DCTN5: variants seen among roughly 807,000 people sequenced by gnomAD.
The protein encoded by DCTN5 is dynactin 4.
In DCTN5, 14 loss-of-function variants were observed where a neutral mutation model predicts 23.5. That is an observed-to-expected ratio of 0.60 (90% confidence interval 0.39 to 0.93). The LOEUF (loss-of-function observed/expected upper bound fraction) is 0.93. Among genes scored for constraint, DCTN5 ranks in the 40% least tolerant of loss-of-function variants. The pLI is 0.00. For synonymous variants in DCTN5, 67 were observed against 79.6 expected (o/e 0.84, Z 0.84); for missense variants, 156 against 225.9 (o/e 0.69, Z 1.98).
intron 1 of DCTN5, 91 bp from the exon 2 acceptor site, chr16:23,642,864 T>C: frequency 8.6e-7 from 1 of 1,167,578 alleles, no homozygotes; most frequent in South Asian, 1.2e-5. Context: ...TTTATGTTTT[T>C]TTCTCTCAAA....
Position 23,674,158 on chromosome 16 carries a change from A to C in DCTN5, c.*7014A>C, listed in dbSNP as rs1312596170. The C allele has an allele frequency of 6.6e-6, 1 of 152,194 alleles. No homozygotes were observed. The highest frequency in any genetic ancestry group is 1.5e-5 in the Non-Finnish European group (1 of 68,044). 9.4% of individuals were successfully genotyped at this position (152,194 alleles called of 1,614,324 possible). ...TCTGCCTTGAGCTGTTTTAGCCTCA[A>C]CACGAGCTATGCTGAACTGAAAGCA... On this transcript the variant is annotated 3_prime_UTR_variant, in exon 6 of 6. Transcript: ENST00000300087.
intron 2 of DCTN5, among the ~76,000 whole-genome samples, chr16:23,655,369 A>T (rs1414162932): frequency 6.6e-6 from 1 of 151,832 alleles, no homozygotes; most frequent in Non-Finnish European, 1.5e-5. Flanking sequence ...AGAGTTTTTT[A>T]TTCTTACTTA....
At chr16:23,654,843 C>T (rs556824629) in intron 2 of DCTN5, among the ~76,000 whole-genome samples, 5 of 152,226 alleles carry the variant, frequency 3.3e-5, no homozygotes, top group East Asian at 1.9e-4. Context: ...TGAGTGAGAA[C>T]GTGTGATATA....
At chr16:23,666,726 C>T (rs781759262) in intron 5 of DCTN5, 33 of 461,326 alleles carry the variant, frequency 7.2e-5, no homozygotes, top group Admixed American at 1.2e-4. Flanking sequence ...TCTCTCAGAT[C>T]ATTGAATCTG....
Position 23,676,610 on chromosome 16 carries a change from G to C in DCTN5, c.*9466G>C, listed in dbSNP as rs1959228772. On this transcript the variant is annotated 3_prime_UTR_variant, in exon 6 of 6. Coordinates refer to ENST00000300087, the MANE Select transcript of DCTN5 (RefSeq NM_032486.4). ...GGAAGCCACCTGGCTTCCTAAGATA[G>C]ACTTTATGGTTAATGGGATTTATTT... The C allele has an allele frequency of 6.6e-6, 1 of 152,188 alleles. No individual in the cohort carries two copies. The highest frequency in any genetic ancestry group is 2.4e-5 in the African/African-American group (1 of 41,438). The allele number at this position is 152,188 out of a possible 1,614,324, so 9.4% of individuals were successfully genotyped here. A position where few individuals can be genotyped will look rare whatever the true frequency, so the allele number is the denominator to read the frequency against.
chr16:23,667,193 G>A lies in DCTN5; in HGVS notation c.*49G>A, dbSNP rs1382422360. ...CTGCTTGAGCTCTAAGATGAACCTGGGGACAAAGTGAGCCAGTCAGCACCT... is the reference window on the plus strand; with the variant it reads ...CTGCTTGAGCTCTAAGATGAACCTGAGGACAAAGTGAGCCAGTCAGCACCT... On this transcript the variant is annotated 3_prime_UTR_variant, in exon 6 of 6. Coordinates refer to ENST00000300087, the MANE Select transcript of DCTN5 (RefSeq NM_032486.4). 1.2e-6 allele frequency: 2 copies of A among 1,604,926 alleles called. No individual in the cohort carries two copies. Among genetic ancestry groups the A allele is most frequent in the African/African-American group, 1.3e-5 (1 of 74,816 alleles).
Position 23,669,660 on chromosome 16 carries a change from CCT to C in DCTN5, c.*2520_*2521del, listed in dbSNP as rs1967972091. The stretch of plus-strand genomic sequence containing the variant: ...CAAAGCATCAGCTGTCCAGTTCAGG[CCT>C]CTCCTCTTTCCCTGGTGTCTTCATT... On this transcript the variant is annotated 3_prime_UTR_variant, in exon 6 of 6. Transcript: ENST00000300087. 6.6e-6 allele frequency: 1 copy of C among 152,534 alleles called. No individual in the cohort carries two copies. The highest frequency in any genetic ancestry group is 2.4e-5 in the African/African-American group (1 of 41,390). The allele number at this position is 152,534 out of a possible 1,614,324, so 9.4% of individuals were successfully genotyped here. A position where few individuals can be genotyped will look rare whatever the true frequency, so the allele number is the denominator to read the frequency against.
chr16:23,642,523 C>G, intron 1 of DCTN5: 1 of 158,828 alleles, frequency 6.3e-6, no homozygotes, highest in Non-Finnish European at 1.4e-5. Flanking sequence ...CACTCTGTTG[C>G]CCAGGCTGGA....
At chr16:23,654,092 T>G (rs1370598672) in intron 2 of DCTN5, among the ~76,000 whole-genome samples, 1 of 152,102 alleles carries the variant, frequency 6.6e-6, no homozygotes, top group East Asian at 1.9e-4. Context: ...AGTGGGAGTG[T>G]AACCATTGTG....
chr16:23,643,098 A>C, intron 2 of DCTN5, 75 bp downstream of exon 2: 1 of 1,230,766 alleles, frequency 8.1e-7, no homozygotes, highest in Non-Finnish European at 1.2e-6. Context: ...CAGGGCAGAT[A>C]AAATGTTGCC....
chr16:23,664,703 A>G (rs1967873722), intron 4 of DCTN5, among the ~76,000 whole-genome samples: 1 of 152,232 alleles, frequency 6.6e-6, no homozygotes, highest in Non-Finnish European at 1.5e-5. Flanking sequence ...ATCATGGCAG[A>G]ATTGAAAAGT....
chr16:23,666,304 T>C (rs913481470), intron 5 of DCTN5, among the ~76,000 whole-genome samples: 2 of 152,150 alleles, frequency 1.3e-5, no homozygotes, highest in Admixed American at 6.5e-5. Context: ...ACTGAAAAGT[T>C]AGCATAAACC....
chr16:23,664,755 C>T (rs1967874479), intron 4 of DCTN5, among the ~76,000 whole-genome samples: 2 of 152,366 alleles, frequency 1.3e-5, no homozygotes, highest in South Asian at 4.1e-4. Flanking sequence ...CAAACATCTA[C>T]ATGACTATCA....
At position 23,673,146 on chromosome 16, in the gene DCTN5, C is replaced by CACA. The variant is rs1219533655; in HGVS notation, c.*6016_*6018dup. On this transcript the variant is annotated 3_prime_UTR_variant, in exon 6 of 6. Transcript: ENST00000300087. Reference sequence around the variant, plus strand: ...CCGTCTCAAAAAAAAAAAAAAAAACCACAACAACAACAACAAAAATTCCAT... The same window carrying CACA: ...CCGTCTCAAAAAAAAAAAAAAAAACCACAACAACAACAACAACAAAAATTCCAT... 1.3e-5 allele frequency: 2 copies of CACA among 148,728 alleles called. No individual in the cohort carries two copies. Among genetic ancestry groups the CACA allele is most frequent in the East Asian group, 3.9e-4 (2 of 5,066 alleles). The allele number at this position is 148,728 out of a possible 1,614,324, so 9.2% of individuals were successfully genotyped here.
At chr16:23,657,421 A>G in intron 2 of DCTN5, 1 of 394,080 alleles carries the variant, frequency 2.5e-6, no homozygotes, top group South Asian at 1.8e-5. Context: ...GTGGCACTGC[A>G]CTGCAGCCTG....
chr16:23,645,135 A>ATTT (rs1967424901), intron 2 of DCTN5, among the ~76,000 whole-genome samples: 2 of 24,812 alleles, frequency 8.1e-5, no homozygotes, highest in Non-Finnish European at 1.3e-4. Context: ...ATATATATAT[A>ATTT]TATTTTTTTT....
At position 23,673,082 on chromosome 16, in the gene DCTN5, T is replaced by TGTGCCACTGCACTCCAGCCTGG. The variant is rs1458986137; in HGVS notation, c.*5940_*5961dup. On this transcript the variant is annotated 3_prime_UTR_variant, in exon 6 of 6. Transcript: ENST00000300087. ...GGCGGAGCTTGCAGTGAGCTGTAATTGTGCCACTGCACTCCAGCCTGGGCG... is the reference window on the plus strand; with the variant it reads ...GGCGGAGCTTGCAGTGAGCTGTAATTGTGCCACTGCACTCCAGCCTGGGTGCCACTGCACTCCAGCCTGGGCG... 2.7e-5 allele frequency: 4 copies of TGTGCCACTGCACTCCAGCCTGG among 150,120 alleles called. No individual in the cohort carries two copies. Among genetic ancestry groups the TGTGCCACTGCACTCCAGCCTGG allele is most frequent in the African/African-American group, 9.9e-5 (4 of 40,514 alleles). The allele number at this position is 150,120 out of a possible 1,614,324, so 9.3% of individuals were successfully genotyped here.
rs1157584842 is a variant in DCTN5 at position 23,669,982 on chromosome 16, G to A, written c.*2838G>A. The A allele has an allele frequency of 4.6e-5, 7 of 152,138 alleles. No homozygotes were observed. The highest frequency in any genetic ancestry group is 2.1e-4 in the South Asian group (1 of 4,828). 9.4% of individuals were successfully genotyped at this position (152,138 alleles called of 1,614,324 possible). A position where few individuals can be genotyped will look rare whatever the true frequency, so the allele number is the denominator to read the frequency against. The stretch of plus-strand genomic sequence containing the variant: ...TTACCGAGGCGCCCTTATCAATAGA[G>A]TTTTAGTTATGTACCTGTGTTCTTG... On this transcript the variant is annotated 3_prime_UTR_variant, in exon 6 of 6. Transcript: ENST00000300087.
intron 2 of DCTN5, 74 bp downstream of exon 2, chr16:23,643,097 T>A (rs1967338042): frequency 2.5e-5 from 31 of 1,243,016 alleles, no homozygotes; most frequent in Non-Finnish European, 3.5e-5. Context: ...GCAGGGCAGA[T>A]AAAATGTTGC....
Sources: allele counts gnomAD v4.1 joint callset (sites outside exome capture counted in the v4.1 genomes callset), GRCh38; gene constraint gnomAD v4.1.1; transcripts MANE v1.5; gene names NCBI Gene and HGNC (gene_info 2026-07-23, HGNC 2026-07-21).